ALK: variants seen among roughly 807,000 people sequenced by gnomAD.
ALK encodes the protein ALK tyrosine kinase receptor.
ALK carries 74 observed loss-of-function variants against 163.1 expected under a neutral mutation model. The observed-to-expected ratio is 0.45, with a 90% confidence interval of 0.38 to 0.55. The LOEUF (loss-of-function observed/expected upper bound fraction) is 0.55. ALK is among the 20% of genes least tolerant of loss of function. ALK has a pLI of 0.00. For missense variants in ALK, 2,063 were observed against 2,105.3 expected, an observed-to-expected ratio of 0.98 and a Z score of 0.39; for synonymous variants, 960 against 843.2, an observed-to-expected ratio of 1.14 and a Z score of -2.40.
chr2:29,566,882 A>C (rs1294664630), intron 3 of ALK, among the ~76,000 whole-genome samples: 2 of 152,182 alleles, frequency 1.3e-5, no homozygotes, highest in Non-Finnish European at 2.9e-5. Flanking sequence ...AACAGAATGC[A>C]ATATGATATA....
intron 23 of ALK, among the ~76,000 whole-genome samples, chr2:29,215,345 C>T (rs1669573755): frequency 6.6e-6 from 1 of 152,168 alleles, no homozygotes. Context: ...CTCCCTGGAG[C>T]AATGGCCTGG....
At chr2:29,332,052 T>C (rs1005532161) in intron 5 of ALK, among the ~76,000 whole-genome samples, 4 of 151,728 alleles carry the variant, frequency 2.6e-5, no homozygotes, top group South Asian at 2.1e-4. Context: ...TTTGGGAGGC[T>C]GAGGTGGGCA....
At chr2:29,623,272 G>A (rs1328347086) in intron 3 of ALK, among the ~76,000 whole-genome samples, 1 of 152,158 alleles carries the variant, frequency 6.6e-6, no homozygotes, top group Non-Finnish European at 1.5e-5. Flanking sequence ...TTATAGCAGT[G>A]TTACTTAAAA....
intron 9 of ALK, among the ~76,000 whole-genome samples, chr2:29,291,945 A>T (rs1666035918): frequency 6.6e-6 from 1 of 152,230 alleles, no homozygotes; most frequent in African/African-American, 2.4e-5. Context: ...TCGGTGATAA[A>T]AATTGAATAG....
chr2:29,292,622 T>G (rs1347598218), intron 9 of ALK, among the ~76,000 whole-genome samples: 1 of 152,196 alleles, frequency 6.6e-6, no homozygotes, highest in Non-Finnish European at 1.5e-5. Context: ...ATATTTGAAT[T>G]GGTGTTGTCC....
chr2:29,711,494 C>T (rs367640849), intron 2 of ALK, among the ~76,000 whole-genome samples: 3 of 152,184 alleles, frequency 2.0e-5, no homozygotes, highest in African/African-American at 7.2e-5. Flanking sequence ...GCAAATGTGT[C>T]CTATTTGTCT....
intron 5 of ALK, 46 bp from the exon 6 acceptor site, chr2:29,328,527 C>T (rs1261229540): frequency 6.2e-7 from 1 of 1,613,614 alleles, no homozygotes; most frequent in South Asian, 1.1e-5. Context: ...TGCATGGCCC[C>T]AGGCAGCAGC....
At chr2:29,780,938 G>A (rs1341145285) in intron 1 of ALK, among the ~76,000 whole-genome samples, 1 of 152,174 alleles carries the variant, frequency 6.6e-6, no homozygotes, top group Non-Finnish European at 1.5e-5. Flanking sequence ...AGGTAGGAAT[G>A]GATTAAAATA....
intron 4 of ALK, among the ~76,000 whole-genome samples, chr2:29,494,488 G>A (rs2148127051): frequency 1.3e-5 from 2 of 152,300 alleles, no homozygotes; most frequent in African/African-American, 4.8e-5. Flanking sequence ...ACTCACGAGG[G>A]CCATGATCCT....
intron 4 of ALK, among the ~76,000 whole-genome samples, chr2:29,508,002 CT>C (rs1168194810): frequency 1.3e-5 from 2 of 152,184 alleles, no homozygotes; most frequent in African/African-American, 4.8e-5. Context: ...CTATTCATGA[CT>C]TACATGTCTT....
intron 1 of ALK, among the ~76,000 whole-genome samples, chr2:29,778,971 TG>T (rs1681257508): frequency 6.6e-6 from 1 of 151,708 alleles, no homozygotes; most frequent in Admixed American, 6.6e-5. Context: ...CTGGCTAACA[TG>T]GTGAAACCCG....
intron 1 of ALK, among the ~76,000 whole-genome samples, chr2:29,894,880 C>T (rs546828169): frequency 5.3e-5 from 8 of 151,142 alleles, no homozygotes; most frequent in African/African-American, 1.2e-4. Context: ...ACACACACCC[C>T]GACATACTCC....
chr2:29,368,207 A>G (rs1276585482), intron 5 of ALK, among the ~76,000 whole-genome samples: 1 of 152,210 alleles, frequency 6.6e-6, no homozygotes, highest in Non-Finnish European at 1.5e-5. Flanking sequence ...AGCTTTGCAG[A>G]CAGAACACTG....
At chr2:29,611,814 C>T (rs1206006256) in intron 3 of ALK, among the ~76,000 whole-genome samples, 3 of 152,152 alleles carry the variant, frequency 2.0e-5, no homozygotes, top group Non-Finnish European at 2.9e-5. Context: ...CCTTTGTATC[C>T]ACCATGATTG....
intron 11 of ALK, among the ~76,000 whole-genome samples, chr2:29,263,674 T>C (rs913893411): frequency 1.3e-5 from 2 of 152,132 alleles, no homozygotes; most frequent in African/African-American, 4.8e-5. Flanking sequence ...GAAGGGATGC[T>C]TCCCCTCCTA....
chr2:29,832,144 C>A (rs1382492899), intron 1 of ALK, among the ~76,000 whole-genome samples: 1 of 152,184 alleles, frequency 6.6e-6, no homozygotes, highest in Non-Finnish European at 1.5e-5. Context: ...AAGGGCATCT[C>A]AACATCATGG....
Position 29,694,834 on chromosome 2 carries a change from G to GCAGC in ALK, c.952+12_952+15dup. ...CCCTGACCCACCCAGGACATCACCA[G>GCAGC]CAGCCTCTCCCTTACCTCTGGGCAT... On this transcript the variant is annotated intron_variant, in intron 3 of 28. Transcript: ENST00000389048. 1 of 1,613,224 alleles carries GCAGC rather than the reference G, an allele frequency of 6.2e-7. No individual in the cohort carries two copies. The highest frequency in any genetic ancestry group is 8.5e-7 in the Non-Finnish European group (1 of 1,179,968).
chr2:29,206,626 C>G (rs1421274962), intron 26 of ALK, among the ~76,000 whole-genome samples: 1 of 152,130 alleles, frequency 6.6e-6, no homozygotes, highest in Non-Finnish European at 1.5e-5. Flanking sequence ...CAGAGGGAAC[C>G]AGCCCTGTTT....
At chr2:29,312,003 C>A (rs1242889430) in intron 8 of ALK, among the ~76,000 whole-genome samples, 1 of 151,864 alleles carries the variant, frequency 6.6e-6, no homozygotes, top group Non-Finnish European at 1.5e-5. Flanking sequence ...GCCCCCTTGG[C>A]TGCTGTTAAA....
Sources: allele counts gnomAD v4.1 joint callset (sites outside exome capture counted in the v4.1 genomes callset), GRCh38; gene constraint gnomAD v4.1.1; transcripts MANE v1.5; gene names NCBI Gene and HGNC (gene_info 2026-07-23, HGNC 2026-07-21).